Variants in STAG2 observed in about 807,000 individuals in gnomAD.
STAG2 encodes the protein STAG2 cohesin complex component.
STAG2 carries 14 observed loss-of-function variants against 108.1 expected under a neutral mutation model. That is an observed-to-expected ratio of 0.13 (90% CI 0.09 to 0.20). The LOEUF (loss-of-function observed/expected upper bound fraction) is 0.20. Among genes scored for constraint, STAG2 ranks in the 10% least tolerant of loss-of-function variants. The pLI is 1.00. For synonymous variants in STAG2, 307 were observed against 302.7 expected, an observed-to-expected ratio of 1.01 and a Z score of -0.15; for missense variants, 440 against 940.9, an observed-to-expected ratio of 0.47 and a Z score of 6.96.
At chrX:123,967,034 C>G (rs945578744) in intron 1 of STAG2, among the ~76,000 whole-genome samples, 2 of 109,628 alleles carry the variant, frequency 1.8e-5, no homozygotes, top group African/African-American at 3.3e-5. Context: ...CAGGTGTCCG[C>G]TACCACGCCC....
In STAG2 at chrX:124,081,593, A is replaced by G. The variant is rs1382709551; in HGVS notation, c.2924+65A>G. ...GTCATGAAACTTTATTTTTAAATCT[A>G]GCCCTTTCATTTGGAATAACTAAAT... On this transcript the variant is annotated intron_variant, in intron 28 of 34. Transcript: ENST00000371145. 5 of 891,551 alleles carry G rather than the reference A, an allele frequency of 5.6e-6. No individual in the cohort carries two copies. In the East Asian group the frequency reaches 1.4e-4, roughly 24 times the overall value. The allele number at this position is 891,551 out of a possible 1,213,427, so 73.5% of individuals were successfully genotyped here. A position where few individuals can be genotyped will look rare whatever the true frequency, so the allele number is the denominator to read the frequency against.
chrX:123,969,823 T>A (rs1602622976), intron 1 of STAG2, among the ~76,000 whole-genome samples: 1 of 109,915 alleles, frequency 9.1e-6, no homozygotes, highest in African/African-American at 3.3e-5. Flanking sequence ...TTTTTTGTAT[T>A]TTTGGTAGAG....
intron 32 of STAG2, among the ~76,000 whole-genome samples, chrX:124,093,760 C>T (rs923664482): frequency 2.7e-5 from 3 of 111,079 alleles, no homozygotes; most frequent in Admixed American, 9.6e-5. Context: ...CTCATTGAAC[C>T]TTGTATATGG....
At chrX:124,080,989 A>C (rs1440924535) in intron 27 of STAG2, among the ~76,000 whole-genome samples, 1 of 112,189 alleles carries the variant, frequency 8.9e-6, no homozygotes, top group Non-Finnish European at 1.9e-5. Flanking sequence ...AGAAGATTAA[A>C]ATTCTTAAGC....
intron 3 of STAG2, 49 bp downstream of exon 3, chrX:124,022,720 A>T: frequency 1.1e-6 from 1 of 875,752 alleles, no homozygotes; most frequent in Non-Finnish European, 1.6e-6. Flanking sequence ...TTATTCCACA[A>T]AATGGGGAAT....
At chrX:124,087,390 T>G (rs1333468187) in intron 30 of STAG2, among the ~76,000 whole-genome samples, 1 of 111,932 alleles carries the variant, frequency 8.9e-6, no homozygotes, top group Non-Finnish European at 1.9e-5. Flanking sequence ...TTTGTCCCAG[T>G]TATTATTGTT....
At chrX:123,988,795 T>C (rs1189024920) in intron 1 of STAG2, among the ~76,000 whole-genome samples, 1 of 111,683 alleles carries the variant, frequency 9.0e-6, no homozygotes, top group Non-Finnish European at 1.9e-5. Context: ...AAGAAGCTTG[T>C]TAAAAAGAAT....
chrX:124,100,329 A>G (rs2059483002), intron 34 of STAG2, among the ~76,000 whole-genome samples: 1 of 111,293 alleles, frequency 9.0e-6, no homozygotes. Context: ...AGCATAATTA[A>G]TCCAAGGTTC....
chrX:124,069,680 C>T (rs1410318796), intron 24 of STAG2, among the ~76,000 whole-genome samples: 1 of 111,126 alleles, frequency 9.0e-6, no homozygotes, highest in Non-Finnish European at 1.9e-5. Context: ...TCACACATGC[C>T]AAGATGCAGT....
chrX:124,080,186 A>G (rs151191511), intron 27 of STAG2, among the ~76,000 whole-genome samples: 42 of 111,157 alleles, frequency 3.8e-4, no homozygotes, highest in Non-Finnish European at 5.7e-4. Context: ...ACTCTTAACT[A>G]TGGTCACCAT....
intron 1 of STAG2, among the ~76,000 whole-genome samples, chrX:123,968,110 A>G (rs1437153941): frequency 1.8e-5 from 2 of 111,094 alleles, no homozygotes; most frequent in Non-Finnish European, 3.8e-5. Flanking sequence ...CATATTGGTC[A>G]GGCTGGTCTC....
At chrX:124,073,965 G>A (rs912457581) in intron 25 of STAG2, among the ~76,000 whole-genome samples, 6 of 111,957 alleles carry the variant, frequency 5.4e-5, no homozygotes, top group African/African-American at 1.9e-4. Context: ...TCACACCTTT[G>A]CATTTCAATT....
Position 123,977,453 on chromosome X carries a change from C to T in STAG2, c.-163+15597C>T, listed in dbSNP as rs774858844. On this transcript the variant is annotated intron_variant, in intron 1 of 34. Coordinates refer to ENST00000371145, the MANE Select transcript of STAG2 (RefSeq NM_001042750.2). ...GCCTCCCTTTTCTGCTGTTTTTTTT[C>T]CCCCCCTCCGGTATCTTTACAGTTT... Among the ~76,000 whole-genome samples, 351 of 109,727 alleles carry T rather than the reference C, an allele frequency of 3.2e-3. 1 individual carries two copies. Among genetic ancestry groups the T allele is most frequent in the Middle Eastern group, 0.014 (3 of 212 alleles).
Position 124,047,518 on chromosome X carries a change from A to G in STAG2, c.819+13A>G, listed in dbSNP as rs2148196611. 4 of 1,199,844 alleles carry G rather than the reference A, an allele frequency of 3.3e-6. No homozygotes were observed. The South Asian group carries it at 5.4e-5, about 16-fold the overall frequency. On this transcript the variant is annotated intron_variant, in intron 9 of 34. Transcript: ENST00000371145. ...AAAGCGGAAAGAGGTAAACTTTTAT[A>G]TTGAATATTTAGGCTATTGTGTGAC... is the stretch of plus-strand genomic sequence containing the variant.
intron 3 of STAG2, among the ~76,000 whole-genome samples, chrX:124,023,286 C>T (rs750975989): frequency 2.2e-4 from 25 of 111,256 alleles, no homozygotes; most frequent in African/African-American, 7.2e-4. Flanking sequence ...TTAAATTGCC[C>T]GTGAATCCCT....
chrX:124,067,591 A>G (rs2058569478), intron 23 of STAG2, among the ~76,000 whole-genome samples: 1 of 111,585 alleles, frequency 9.0e-6, no homozygotes, highest in South Asian at 3.7e-4. Context: ...TCAAACACTT[A>G]GGAAAAAGTT....
At position 123,987,043 on chromosome X, in the gene STAG2, AGTGCAG is replaced by A. The variant is rs765415614; in HGVS notation, c.-163+25188_-163+25193del. Among the ~76,000 whole-genome samples the A allele has an allele frequency of 9.1e-3, 994 of 109,239 alleles. 11 individuals are homozygous for A. The highest frequency in any genetic ancestry group is 0.032 in the African/African-American group (943 of 29,916). The allele number at this position is 109,239 out of a possible 115,157, so 94.9% of individuals were successfully genotyped here. A position where few individuals can be genotyped will look rare whatever the true frequency, so the allele number is the denominator to read the frequency against. On this transcript the variant is annotated intron_variant, in intron 1 of 34. Transcript: ENST00000371145. The stretch of plus-strand genomic sequence containing the variant: ...AGTCTCGCTCTGTCACCCAGGCTGG[AGTGCAG>A]TGGTGCGATCTCAGCTCACTGCAAC...
chrX:124,019,710 T>G (rs748682674), intron 1 of STAG2, among the ~76,000 whole-genome samples: 1 of 110,723 alleles, frequency 9.0e-6, no homozygotes, highest in South Asian at 3.9e-4. Flanking sequence ...CTAAGGTGGG[T>G]GAATTGCTTG....
chrX:123,962,545 T>G (rs2053917004), intron 1 of STAG2, among the ~76,000 whole-genome samples: 1 of 111,433 alleles, frequency 9.0e-6, no homozygotes, highest in African/African-American at 3.3e-5. Context: ...TCATCCGGTT[T>G]GTGAGACTTT....
Sources: gnomAD v4.1 joint callset for allele counts (sites outside exome capture counted in the v4.1 genomes callset) on GRCh38, gnomAD v4.1.1 for gene constraint, MANE v1.5 for transcripts, NCBI Gene and HGNC (gene_info 2026-07-23, HGNC 2026-07-21) for gene names.